RBP2: variants seen among roughly 807,000 people sequenced by gnomAD.
The protein encoded by RBP2 is retinol binding protein 2, also known as retinol-binding protein 2.
RBP2 carries 17 observed loss-of-function variants against 17.0 expected under a neutral mutation model. The observed-to-expected ratio is 1.00, with a 90% CI of 0.68 to 1.50. The LOEUF is 1.50. Ranked by LOEUF, RBP2 falls within the 40% of genes most tolerant of loss-of-function variation. The pLI is 0.00. For missense variants in RBP2, 158 were observed against 168.2 expected (o/e 0.94, Z 0.33); for synonymous variants, 48 against 57.1 (o/e 0.84, Z 0.72).
In RBP2 at chr3:139,469,032, T is replaced by C. The variant is rs144051133; in HGVS notation, c.74-6742A>G. On this transcript the variant is annotated intron_variant, in intron 1 of 3. Transcript: ENST00000232217. ...TACTCAACATTAAAATGCTTTGTAA[T>C]GTGCTTATGAAAAAAGCTAAAGTTG... 1.2e-4 allele frequency among the ~76,000 whole-genome samples: 18 copies of C among 152,314 alleles called. No homozygotes were observed. The East Asian group carries it at 3.5e-3, about 29-fold the overall frequency.
At chr3:139,454,937 C>A in intron 2 of RBP2, 107 bp from the exon 3 acceptor site, 1 of 1,106,396 alleles carries the variant, frequency 9.0e-7, no homozygotes, top group Non-Finnish European at 1.4e-6. Context: ...CTTGCTTACT[C>A]GAAGGGCAGA....
intron 3 of RBP2, among the ~76,000 whole-genome samples, 175 bp downstream of exon 3, chr3:139,454,554 C>T (rs1943362281): frequency 6.6e-6 from 1 of 152,244 alleles, no homozygotes. Flanking sequence ...TAGATTTCTT[C>T]CTGGAGTCCC....
At chr3:139,465,080 A>G (rs1195948748) in intron 1 of RBP2, among the ~76,000 whole-genome samples, 3 of 152,254 alleles carry the variant, frequency 2.0e-5, no homozygotes, top group Non-Finnish European at 4.4e-5. Flanking sequence ...TGGCTGATAC[A>G]GCAATTGTAG....
chr3:139,458,192 C>CT (rs5852944), intron 2 of RBP2, among the ~76,000 whole-genome samples: 41,205 of 148,432 alleles, frequency 0.28, 6,853 homozygotes, highest in East Asian at 0.84. Context: ...CTCGCCAACA[C>CT]TTTTTTTTTT....
intron 2 of RBP2, among the ~76,000 whole-genome samples, chr3:139,458,348 TG>T (rs1933052314): frequency 6.6e-6 from 1 of 152,208 alleles, no homozygotes; most frequent in Non-Finnish European, 1.5e-5. Context: ...ACTCCTCTTC[TG>T]GGGGCTCCCA....
chr3:139,467,984 T>TTGTGCTAAGGTCTGAGC (rs1454956948), intron 1 of RBP2, among the ~76,000 whole-genome samples: 11 of 152,194 alleles, frequency 7.2e-5, no homozygotes, highest in African/African-American at 2.2e-4. Context: ...CTCCAGTCCT[T>TTGTGCTAAGGTCTGAGC]TGTGCTAAGG....
chr3:139,471,489 A>G (rs1217046422), intron 1 of RBP2, among the ~76,000 whole-genome samples: 1 of 152,212 alleles, frequency 6.6e-6, no homozygotes, highest in Non-Finnish European at 1.5e-5. Context: ...TGCACTTTTA[A>G]GTTTGTGCAT....
intron 2 of RBP2, among the ~76,000 whole-genome samples, chr3:139,460,926 C>T (rs968533012): frequency 1.3e-5 from 2 of 152,140 alleles, no homozygotes; most frequent in African/African-American, 4.8e-5. Flanking sequence ...TGGGCATAGA[C>T]AGTGAACAGT....
At chr3:139,476,331 CAGACCACAGT>C in intron 1 of RBP2, 46 bp downstream of exon 1, 2 of 1,495,460 alleles carry the variant, frequency 1.3e-6, no homozygotes, top group South Asian at 1.2e-5. Flanking sequence ...TCTGGAGGGC[CAGACCACAGT>C]ACTCCCAACA....
At chr3:139,455,114 T>C (rs1056716691) in intron 2 of RBP2, among the ~76,000 whole-genome samples, 3 of 152,206 alleles carry the variant, frequency 2.0e-5, no homozygotes, top group Non-Finnish European at 2.9e-5. Context: ...GGGGAGAAGA[T>C]GATAAATTTC....
chr3:139,467,185 G>A (rs1050079079), intron 1 of RBP2, among the ~76,000 whole-genome samples: 10 of 152,232 alleles, frequency 6.6e-5, no homozygotes, highest in African/African-American at 2.4e-4. Context: ...AATGGAGGCA[G>A]CAAGGGCCAG....
At chr3:139,469,978 G>A (rs183593236) in intron 1 of RBP2, among the ~76,000 whole-genome samples, 1 of 152,260 alleles carries the variant, frequency 6.6e-6, no homozygotes, top group East Asian at 1.9e-4. Context: ...CGTGGCCATG[G>A]ATAAGTCTCT....
chr3:139,461,630 C>T (rs1576422685), intron 2 of RBP2, among the ~76,000 whole-genome samples: 1 of 152,018 alleles, frequency 6.6e-6, no homozygotes, highest in Non-Finnish European at 1.5e-5. Context: ...TTTATACTTG[C>T]TCTTTTTCAG....
chr3:139,466,775 A>C (rs995390330), intron 1 of RBP2: 2 of 152,218 alleles, frequency 1.3e-5, no homozygotes, highest in African/African-American at 2.4e-5. Flanking sequence ...TCATAATATC[A>C]TTATGAAGCC....
chr3:139,473,195 G>A (rs1241301344), intron 1 of RBP2, among the ~76,000 whole-genome samples: 1 of 152,202 alleles, frequency 6.6e-6, no homozygotes, highest in Non-Finnish European at 1.5e-5. Flanking sequence ...TGCCTAAGAA[G>A]GCAGGAGAGG....
At chr3:139,459,297 T>G (rs1421464474) in intron 2 of RBP2, among the ~76,000 whole-genome samples, 1 of 151,914 alleles carries the variant, frequency 6.6e-6, no homozygotes, top group Non-Finnish European at 1.5e-5. Flanking sequence ...GGCTCACGCC[T>G]GTAACCCCAG....
chr3:139,459,809 C>G lies in RBP2; in HGVS notation c.252+2303G>C, dbSNP rs914828534. ...TGGGCAAACTGTCCTGGGTACTTCT[C>G]ACTCCCTACTAAGGGTGTGTGTGAG... On this transcript the variant is annotated intron_variant, in intron 2 of 3. Coordinates refer to ENST00000232217, the MANE Select transcript of RBP2 (RefSeq NM_004164.3). Among the ~76,000 whole-genome samples, 312 of 149,150 alleles carry G rather than the reference C, an allele frequency of 2.1e-3. 5 individuals are homozygous for G. The highest frequency in any genetic ancestry group is 3.4e-4 in the Non-Finnish European group (23 of 67,536).
chr3:139,469,663 A>ATCTGTCTGTCTGTCTG (rs774785857), intron 1 of RBP2, among the ~76,000 whole-genome samples: 9 of 145,722 alleles, frequency 6.2e-5, no homozygotes, highest in Non-Finnish European at 1.1e-4. Flanking sequence ...TCAGACATCT[A>ATCTGTCTGTCTGTCTG]TCTGTCTGTC....
At chr3:139,466,380 C>T (rs1337197884) in intron 1 of RBP2, 1 of 152,182 alleles carries the variant, frequency 6.6e-6, no homozygotes, top group African/African-American at 2.4e-5. Flanking sequence ...TAACTGCTGA[C>T]CTGTTTAGGT....
Sources: gnomAD v4.1 joint callset for allele counts (sites outside exome capture counted in the v4.1 genomes callset) on GRCh38, gnomAD v4.1.1 for gene constraint, MANE v1.5 for transcripts, NCBI Gene and HGNC (gene_info 2026-07-23, HGNC 2026-07-21) for gene names.